The following CALCRL variants were observed in gnomAD, a reference collection of about 807,000 sequenced individuals.
CALCRL encodes the protein calcitonin gene-related peptide type 1 receptor.
Under a neutral mutation model 60.4 loss-of-function variants are expected in CALCRL, and 27 were observed. The ratio of observed to expected loss-of-function variants is 0.45; its 90% confidence interval spans 0.33 to 0.62. The LOEUF (loss-of-function observed/expected upper bound fraction) is 0.62. CALCRL is among the 20% of genes least tolerant of loss of function. The pLI, the probability that CALCRL is intolerant of heterozygous loss-of-function variation, is 0.03. For synonymous variants in CALCRL, 190 were observed against 182.6 expected (o/e 1.04, Z -0.33); for missense variants, 424 against 540.7 (o/e 0.78, Z 2.14).
At chr2:187,348,844 T>C (rs1231730467) in intron 14 of CALCRL, among the ~76,000 whole-genome samples, 1 of 151,672 alleles carries the variant, frequency 6.6e-6, no homozygotes. Flanking sequence ...TAATAAACTT[T>C]TAATGAGAAA....
At chr2:187,352,498 A>G (rs1686578164) in intron 12 of CALCRL, among the ~76,000 whole-genome samples, 166 bp from the exon 13 acceptor site, 1 of 151,806 alleles carries the variant, frequency 6.6e-6, no homozygotes, top group Non-Finnish European at 1.5e-5. Context: ...TGGAATTGTG[A>G]TTTATCAATT....
intron 8 of CALCRL, among the ~76,000 whole-genome samples, chr2:187,377,156 A>T (rs1013363724): frequency 6.6e-6 from 1 of 152,286 alleles, no homozygotes; most frequent in Admixed American, 6.5e-5. Context: ...TAAAAATTTT[A>T]AAGCAAAGAA....
At chr2:187,353,447 A>G (rs1686625115) in intron 12 of CALCRL, among the ~76,000 whole-genome samples, 1 of 152,030 alleles carries the variant, frequency 6.6e-6, no homozygotes, top group African/African-American at 2.4e-5. Flanking sequence ...ATAGAAAAGA[A>G]TTAACAGAGA....
At chr2:187,407,817 C>G (rs936106021) in intron 1 of CALCRL, among the ~76,000 whole-genome samples, 1 of 152,030 alleles carries the variant, frequency 6.6e-6, no homozygotes, top group Non-Finnish European at 1.5e-5. Context: ...AATCCAGGTT[C>G]TAATTTTAAC....
At chr2:187,380,142 C>A (rs1687925705) in intron 7 of CALCRL, among the ~76,000 whole-genome samples, 1 of 152,138 alleles carries the variant, frequency 6.6e-6, no homozygotes, top group Non-Finnish European at 1.5e-5. Context: ...AGAGGTCATT[C>A]TAGAAATTCC....
At position 187,431,045 on chromosome 2, in the gene CALCRL, T is replaced by C. The variant is rs116009932; in HGVS notation, c.-293+16994A>G. Among the ~76,000 whole-genome samples the C allele has an allele frequency of 8.7e-3, 1,324 of 152,238 alleles. 15 individuals are homozygous for C. The highest frequency in any genetic ancestry group is 0.03 in the African/African-American group (1,259 of 41,556). Reference sequence around the variant, plus strand: ...GGTAGTCTGGCCAAGAGAACAGCAATATGGAGACTAAGTCCACTGCCAAGG... The same window carrying C: ...GGTAGTCTGGCCAAGAGAACAGCAACATGGAGACTAAGTCCACTGCCAAGG... On this transcript the variant is annotated intron_variant, in intron 1 of 14. Transcript: ENST00000392370.
chr2:187,360,663 G>T lies in CALCRL; in HGVS notation c.716C>A (p.Thr239Lys). The change falls in exon 10 of 15, where the codon ACA becomes AAA. Residue 239 changes from threonine (T) to lysine (K), a missense_variant. This residue lies in a region of CALCRL where 222 missense variants were observed against 265.6 expected (regional missense o/e 0.84). Transcript: ENST00000392370. ...TGCAAACACGGCCACCACAATGAGT[G>T]TGTGTAGGTAAATGCCTTCACAGAG... ...WMLCEGIYLHTLIVVAVFAEK... is the reference protein window; with the variant it reads ...WMLCEGIYLHKLIVVAVFAEK... 1 of 1,612,736 alleles carries T rather than the reference G, an allele frequency of 6.2e-7. No individual in the cohort carries two copies. The highest frequency in any genetic ancestry group is 8.5e-7 in the Non-Finnish European group (1 of 1,179,164).
chr2:187,399,841 C>T (rs1432947564), intron 1 of CALCRL, among the ~76,000 whole-genome samples: 1 of 151,210 alleles, frequency 6.6e-6, no homozygotes, highest in East Asian at 1.9e-4. Flanking sequence ...GAAATAAGCC[C>T]AGAAAAGAAA....
chr2:187,417,463 A>G (rs1689665228), intron 1 of CALCRL, among the ~76,000 whole-genome samples: 1 of 152,120 alleles, frequency 6.6e-6, no homozygotes, highest in Non-Finnish European at 1.5e-5. Context: ...ATATAGATTT[A>G]AAATATTTGA....
intron 1 of CALCRL, among the ~76,000 whole-genome samples, chr2:187,401,972 GAAGGAAGA>G (rs1371278078): frequency 6.6e-6 from 1 of 151,290 alleles, no homozygotes; most frequent in Admixed American, 6.6e-5. Context: ...AGAAGGGAAG[GAAGGAAGA>G]AAGGAAGAAG....
chr2:187,435,445 C>T (rs1186258375), intron 1 of CALCRL, among the ~76,000 whole-genome samples: 3 of 152,170 alleles, frequency 2.0e-5, no homozygotes, highest in Admixed American at 6.6e-5. Context: ...TCCTTTCCAC[C>T]AGGTCCCACC....
At chr2:187,421,256 A>T (rs1275865947) in intron 1 of CALCRL, among the ~76,000 whole-genome samples, 1 of 152,214 alleles carries the variant, frequency 6.6e-6, no homozygotes, top group African/African-American at 2.4e-5. Flanking sequence ...GTAAATGTTT[A>T]TCTTAATTAT....
At chr2:187,428,768 C>T (rs193225098) in intron 1 of CALCRL, 3 of 152,150 alleles carry the variant, frequency 2.0e-5, no homozygotes, top group African/African-American at 7.2e-5. Context: ...TGGTGGGTGC[C>T]TGTAGTCCCA....
chr2:187,415,844 T>C, intron 1 of CALCRL: 1 of 365,368 alleles, frequency 2.7e-6, no homozygotes, highest in Non-Finnish European at 5.0e-6. Context: ...CTCCAGAAAG[T>C]AAGACCCCTG....
chr2:187,369,768 C>T (rs1687442828), intron 8 of CALCRL, among the ~76,000 whole-genome samples: 1 of 152,066 alleles, frequency 6.6e-6, no homozygotes, highest in African/African-American at 2.4e-5. Flanking sequence ...GAAATTAAAA[C>T]AGGACTAAGG....
intron 1 of CALCRL, among the ~76,000 whole-genome samples, chr2:187,408,902 T>C (rs1204758640): frequency 6.6e-6 from 1 of 152,156 alleles, no homozygotes; most frequent in Non-Finnish European, 1.5e-5. Context: ...TTGTGCTGTA[T>C]AATATTTTAT....
intron 8 of CALCRL, among the ~76,000 whole-genome samples, chr2:187,370,971 T>C (rs764070007): frequency 2.0e-4 from 30 of 152,204 alleles, no homozygotes; most frequent in Non-Finnish European, 3.2e-4. Context: ...AGAAAACCTA[T>C]AGTTCTCACG....
At chr2:187,361,088 T>C (rs140860174) in intron 9 of CALCRL, among the ~76,000 whole-genome samples, 2 of 152,196 alleles carry the variant, frequency 1.3e-5, no homozygotes, top group East Asian at 1.9e-4. Flanking sequence ...TTTACACTTA[T>C]TTATATCATC....
At chr2:187,375,729 A>G (rs576572352) in intron 8 of CALCRL, among the ~76,000 whole-genome samples, 1 of 152,300 alleles carries the variant, frequency 6.6e-6, no homozygotes, top group African/African-American at 2.4e-5. Flanking sequence ...CCTACAGGTT[A>G]CATCTTTAAA....
Sources: allele counts gnomAD v4.1 joint callset (sites outside exome capture counted in the v4.1 genomes callset), GRCh38; gene constraint gnomAD v4.1.1; regional missense constraint gnomAD v4.1.1; transcripts MANE v1.5; gene names NCBI Gene and HGNC (gene_info 2026-07-23, HGNC 2026-07-21).